Variants in LARGE1 observed in about 807,000 individuals in gnomAD.
LARGE1 encodes the protein xylosyl- and glucuronyltransferase LARGE1.
LARGE1 carries 43 observed loss-of-function variants against 87.6 expected under a neutral mutation model. The ratio of observed to expected loss-of-function variants is 0.49; its 90% CI spans 0.38 to 0.63. LARGE1 has a LOEUF of 0.63. Ranked by LOEUF, LARGE1 falls within the 30% of genes least tolerant of loss-of-function variation. LARGE1 has a pLI of 0.00. For synonymous variants in LARGE1, 434 were observed against 394.6 expected (o/e 1.10, Z -1.18); for missense variants, 802 against 1,000.2 (o/e 0.80, Z 2.67).
At chr22:33,132,864 C>T in the LARGE1 span, among the ~76,000 whole-genome samples, 280 of 152,186 alleles carry the variant, frequency 1.8e-3, no homozygotes, top group African/African-American at 6.1e-3. Flanking sequence ...ACTTTTAAGA[C>T]GATAATTTAT....
At chr22:33,410,237 G>C (rs117565281) in intron 7 of LARGE1, among the ~76,000 whole-genome samples, 3,350 of 152,246 alleles carry the variant, frequency 0.022, 63 homozygotes, top group Admixed American at 0.032. Context: ...TAGACAGCAC[G>C]ACGTTGTTAT....
intron 10 of LARGE1, among the ~76,000 whole-genome samples, chr22:33,336,003 T>C (rs1166931308): frequency 1.3e-5 from 2 of 152,212 alleles, no homozygotes; most frequent in Admixed American, 6.5e-5. Flanking sequence ...GAATACTTAG[T>C]GTGCAGAATA....
intron 2 of LARGE1, among the ~76,000 whole-genome samples, chr22:33,714,002 A>G (rs559986965): frequency 6.6e-6 from 1 of 151,708 alleles, no homozygotes; most frequent in East Asian, 1.9e-4. Context: ...ATAACATAAC[A>G]TAACATAACA....
At chr22:33,669,285 G>T (rs1310361467) in intron 2 of LARGE1, among the ~76,000 whole-genome samples, 1 of 152,166 alleles carries the variant, frequency 6.6e-6, no homozygotes, top group Non-Finnish European at 1.5e-5. Context: ...AATCTTAAGG[G>T]AATAGGACAT....
chr22:33,343,250 C>A (rs1003787996), intron 9 of LARGE1, among the ~76,000 whole-genome samples: 2 of 152,014 alleles, frequency 1.3e-5, no homozygotes, highest in East Asian at 3.9e-4. Context: ...CCCTGAGTGG[C>A]TGGGACTACA....
At chr22:33,125,455 T>TC in the LARGE1 span, among the ~76,000 whole-genome samples, 1 of 151,632 alleles carries the variant, frequency 6.6e-6, no homozygotes, top group African/African-American at 2.4e-5. Flanking sequence ...CAATTTTTTT[T>TC]TTTTTTTTGA....
Position 33,387,233 on chromosome 22 carries a change from C to T in LARGE1, c.893-2929G>A, listed in dbSNP as rs1184390589. 7.5e-5 allele frequency among the ~76,000 whole-genome samples: 11 copies of T among 146,652 alleles called. 1 individual carries two copies. The highest frequency in any genetic ancestry group is 1.7e-4 in the Non-Finnish European group (11 of 65,658). On this transcript the variant is annotated intron_variant, in intron 7 of 14. Transcript: ENST00000397394. The stretch of plus-strand genomic sequence containing the variant: ...TGAAGTCAGGAGTCCAAGACCAGCC[C>T]CGCCAACATGGCGAAACCCCACCTC...
the LARGE1 span, among the ~76,000 whole-genome samples, chr22:33,152,509 T>A: frequency 6.6e-6 from 1 of 152,250 alleles, no homozygotes; most frequent in African/African-American, 2.4e-5. Context: ...GTTCTAATCA[T>A]AAGTTGACTT....
chr22:33,258,212 A>T (rs1240980580), intron 11 of LARGE1, among the ~76,000 whole-genome samples: 1 of 152,190 alleles, frequency 6.6e-6, no homozygotes, highest in Non-Finnish European at 1.5e-5. Flanking sequence ...TGTATTTTTT[A>T]GTAGAGATGG....
At chr22:33,814,422 C>T (rs1471262218) in intron 1 of LARGE1, among the ~76,000 whole-genome samples, 1 of 152,166 alleles carries the variant, frequency 6.6e-6, no homozygotes, top group Non-Finnish European at 1.5e-5. Flanking sequence ...AGGCTATGGT[C>T]CCCAGTTACT....
chr22:33,572,251 C>A, intron 5 of LARGE1: 1 of 1,264,020 alleles, frequency 7.9e-7, no homozygotes, highest in Non-Finnish European at 1.0e-6. Context: ...ATTTGCCTTT[C>A]ATGTTGTTTC....
chr22:33,399,384 A>G (rs1316080761), intron 7 of LARGE1, among the ~76,000 whole-genome samples: 1 of 152,144 alleles, frequency 6.6e-6, no homozygotes, highest in African/African-American at 2.4e-5. Context: ...CCAGTCTGTC[A>G]TTGATGGGCA....
At chr22:33,256,726 AC>A (rs774106025) in intron 11 of LARGE1, among the ~76,000 whole-genome samples, 24 of 152,166 alleles carry the variant, frequency 1.6e-4, no homozygotes, top group Non-Finnish European at 3.1e-4. Flanking sequence ...TTTCACCTTC[AC>A]CCTAGCCTCA....
intron 6 of LARGE1, among the ~76,000 whole-genome samples, chr22:33,536,625 T>A (rs1198740460): frequency 6.6e-6 from 1 of 152,222 alleles, no homozygotes; most frequent in Non-Finnish European, 1.5e-5. Flanking sequence ...TTTGGCCTTA[T>A]GATGCGTCAC....
At chr22:33,322,007 CAG>C (rs1936770012) in intron 10 of LARGE1, among the ~76,000 whole-genome samples, 1 of 152,116 alleles carries the variant, frequency 6.6e-6, no homozygotes, top group South Asian at 2.1e-4. Context: ...TTAGTAGAGA[CAG>C]AGTTTCACCA....
At chr22:33,892,759 C>T (rs1387517982) in intron 1 of LARGE1, among the ~76,000 whole-genome samples, 1 of 152,198 alleles carries the variant, frequency 6.6e-6, no homozygotes, top group Non-Finnish European at 1.5e-5. Flanking sequence ...TGCTACAGGT[C>T]CCTACACTCC....
At chr22:33,695,765 A>T (rs1166430037) in intron 2 of LARGE1, among the ~76,000 whole-genome samples, 2 of 152,218 alleles carry the variant, frequency 1.3e-5, no homozygotes, top group Admixed American at 6.5e-5. Context: ...ACATATAATG[A>T]AATGCACAAA....
chr22:33,201,983 AAAATTAG>A (rs1924419318), intron 11 of LARGE1, among the ~76,000 whole-genome samples: 1 of 152,096 alleles, frequency 6.6e-6, no homozygotes, highest in Non-Finnish European at 1.5e-5. Context: ...TAAAAATACA[AAAATTAG>A]CTGGGCGTGG....
chr22:33,247,070 TG>T lies in LARGE1; in HGVS notation c.1730+57158del, dbSNP rs1232962485. Among the ~76,000 whole-genome samples, 41 of 138,704 alleles carry T rather than the reference TG, an allele frequency of 3.0e-4. No homozygotes were observed. In the East Asian group the frequency reaches 7.5e-3, roughly 26 times the overall value. 91.0% of individuals were successfully genotyped at this position (138,704 alleles called of 152,430 possible). On this transcript the variant is annotated intron_variant, in intron 11 of 11. Transcript: ENST00000608642. ...GTATGTGTGTGTGTGTGTGTGTGTG[TG>T]TGTGTGTGTGTGTGTTGTATCTTTT...
Sources: gnomAD v4.1 joint callset for allele counts (sites outside exome capture counted in the v4.1 genomes callset) on GRCh38, gnomAD v4.1.1 for gene constraint, MANE v1.5 for transcripts, NCBI Gene and HGNC (gene_info 2026-07-23, HGNC 2026-07-21) for gene names.